Variants in LOX observed in about 807,000 individuals in gnomAD.
LOX encodes the protein protein-lysine 6-oxidase.
In LOX, 12 loss-of-function variants were observed where a neutral mutation model predicts 50.5. The observed-to-expected ratio is 0.24, with a 90% CI of 0.15 to 0.38. The LOEUF (loss-of-function observed/expected upper bound fraction) is 0.38, where lower values mean the gene tolerates loss of function less well. LOX is among the 10% of genes least tolerant of loss of function. The pLI, the probability that LOX is intolerant of heterozygous loss-of-function variation, is 1.00. For missense variants in LOX, 504 were observed against 563.8 expected (o/e 0.89, Z 1.07); for synonymous variants, 254 against 230.6 (o/e 1.10, Z -0.92).
rs765396518 is a variant in LOX at position 122,066,703 on chromosome 5, C to G, written c.*40G>C. On this transcript the variant is annotated 3_prime_UTR_variant, in exon 7 of 7. Transcript: ENST00000231004. ...GTCTATTTTTTCCCACTTCAGAACA[C>G]CAGGCACTGATTTATCCATTGGGAG... 2.5e-6 allele frequency: 4 copies of G among 1,573,756 alleles called. No homozygotes were observed. The Admixed American group carries it at 5.0e-5, about 20-fold the overall frequency.
At chr5:122,075,380 T>A in intron 3 of LOX, 24 bp downstream of exon 3, 1 of 1,574,034 alleles carries the variant, frequency 6.4e-7, no homozygotes, top group Non-Finnish European at 8.6e-7. Flanking sequence ...AACCCAAAAG[T>A]ACCCAGGAGG....
intron 4 of LOX, among the ~76,000 whole-genome samples, chr5:122,073,536 A>G (rs1754516098): frequency 6.6e-6 from 1 of 152,186 alleles, no homozygotes; most frequent in Non-Finnish European, 1.5e-5. Flanking sequence ...ATGGTTTCAC[A>G]GGTGAAAAAA....
intron 2 of LOX, chr5:122,075,967 T>TA (rs1207485656): frequency 1.3e-5 from 2 of 152,448 alleles, no homozygotes; most frequent in African/African-American, 2.4e-5. Flanking sequence ...ACAAAACTTT[T>TA]AAAAAAGTTA....
rs561838644 is a variant in LOX at position 122,065,135 on chromosome 5, T to C, written c.*1608A>G. 2 of 152,190 alleles carry C rather than the reference T, an allele frequency of 1.3e-5. No homozygotes were observed. The highest frequency in any genetic ancestry group is 2.4e-5 in the African/African-American group (1 of 41,546). 9.4% of individuals were successfully genotyped at this position (152,190 alleles called of 1,614,324 possible). ...TGTCTGTATTGTCTACTGGTAAGCT[T>C]GTGCCCTGGTGGCTAAGGATCATAT... On this transcript the variant is annotated 3_prime_UTR_variant, in exon 7 of 7. Transcript: ENST00000231004.
chr5:122,074,007 A>G lies in LOX; in HGVS notation c.1035+6T>C, dbSNP rs753216809. 4.3e-6 allele frequency: 7 copies of G among 1,610,150 alleles called. No homozygotes were observed. The African/African-American group carries it at 5.3e-5, about 12-fold the overall frequency. On this transcript the variant is annotated splice_donor_region_variant and intron_variant, in intron 4 of 6. Transcript: ENST00000231004. ...TGAGGTTCTGGATTTCAGGGTGCCAACATACCTGTGTGTGTGCAGTACATG... is the reference window on the plus strand; with the variant it reads ...TGAGGTTCTGGATTTCAGGGTGCCAGCATACCTGTGTGTGTGCAGTACATG...
intron 4 of LOX, 86 bp downstream of exon 4, chr5:122,073,927 A>G (rs1323021262): frequency 7.9e-7 from 1 of 1,267,452 alleles, no homozygotes; most frequent in Admixed American, 1.9e-5. Flanking sequence ...TGTGCTCTTC[A>G]TGAAATGCTA....
chr5:122,072,522 A>C (rs1452000193), intron 4 of LOX, among the ~76,000 whole-genome samples: 2 of 152,212 alleles, frequency 1.3e-5, no homozygotes, highest in Non-Finnish European at 2.9e-5. Context: ...AATATGTAAA[A>C]GTATAAATCT....
At position 122,077,905 on chromosome 5, in the gene LOX, G is replaced by A; in HGVS notation, c.81C>T (p.Gly27=). ...ALVHCAPPAA[G]QQQPPREPPA... is the part of the protein sequence containing the mutation. ...GCGGCTCGCGCGGGGGCTGCTGTTG[G>A]CCGGCGGCGGGAGGGGCGCAGTGCA... The change falls in exon 1 of 7, where the codon GGC becomes GGT. Residue 27 remains glycine, a synonymous_variant. Coordinates refer to ENST00000231004, the MANE Select transcript of LOX (RefSeq NM_002317.7). The surrounding 1 kb of genome is among the most constrained non-coding windows in gnomAD (Gnocchi z 4.9). 1 of 1,515,984 alleles carries A rather than the reference G, an allele frequency of 6.6e-7. No individual in the cohort carries two copies. Among genetic ancestry groups the A allele is most frequent in the Non-Finnish European group, 8.8e-7 (1 of 1,142,140 alleles). The allele number at this position is 1,515,984 out of a possible 1,614,324, so 93.9% of individuals were successfully genotyped here.
intron 2 of LOX, 113 bp downstream of exon 2, chr5:122,076,780 T>A: frequency 1.2e-6 from 1 of 851,082 alleles, no homozygotes; most frequent in African/African-American, 1.6e-5. Flanking sequence ...TTCCCAGCTC[T>A]TGTCCCACTT....
chr5:122,073,713 C>A (rs776001992), intron 4 of LOX, among the ~76,000 whole-genome samples: 7 of 152,158 alleles, frequency 4.6e-5, no homozygotes, highest in Non-Finnish European at 1.0e-4. Context: ...GGGCCACATG[C>A]ATAACTGGAA....
At position 122,077,294 on chromosome 5, in the gene LOX, A is replaced by G. The variant is rs1022942897; in HGVS notation, c.631+61T>C. On this transcript the variant is annotated intron_variant, in intron 1 of 6. Transcript: ENST00000231004. This position sits in a 1 kb window ranked among gnomAD's most constrained non-coding sequence, Gnocchi z 4.9. ...CCGCCGCGCCCAGGCAGCCACGTCG[A>G]GAAGCCACATAGCTGGGGACCAGGT... 1.9e-6 allele frequency: 3 copies of G among 1,605,084 alleles called. No homozygotes were observed. The highest frequency in any genetic ancestry group is 2.6e-6 in the Non-Finnish European group (3 of 1,175,736).
At chr5:122,073,914 G>A (rs1429623082) in intron 4 of LOX, 99 bp downstream of exon 4, 4 of 1,088,888 alleles carry the variant, frequency 3.7e-6, no homozygotes, top group Non-Finnish European at 4.1e-6. Context: ...TGATAAAAAT[G>A]TGTGTGCTCT....
At chr5:122,071,197 G>A (rs1754441652) in intron 4 of LOX, among the ~76,000 whole-genome samples, 1 of 109,018 alleles carries the variant, frequency 9.2e-6, no homozygotes, top group Non-Finnish European at 2.2e-5. Flanking sequence ...ATTTATATGT[G>A]TGTGTGTGTG....
chr5:122,069,469 C>T (rs572627765), intron 6 of LOX, among the ~76,000 whole-genome samples: 1 of 152,106 alleles, frequency 6.6e-6, no homozygotes, highest in Non-Finnish European at 1.5e-5. Context: ...GAATAGATAT[C>T]TTCCAGTATT....
At chr5:122,069,833 G>A (rs373954987) in intron 6 of LOX, 3 of 531,618 alleles carry the variant, frequency 5.6e-6, no homozygotes, top group South Asian at 3.3e-5. Context: ...GTCTTCTCCT[G>A]AAAACTAAGC....
rs901378696 is a variant in LOX, at chr5:122,069,871, C to A, written c.1247+182G>T. On this transcript the variant is annotated intron_variant, in intron 6 of 6. Transcript: ENST00000231004. ...CTCCTGAAAACTAAAAACCTTAGTA[C>A]ATTCTCCTTTGCCTTCCATTATTTA... 3 of 629,366 alleles carry A rather than the reference C, an allele frequency of 4.8e-6. 1 individual carries two copies. The highest frequency in any genetic ancestry group is 4.5e-5 in the South Asian group (3 of 66,198). The allele number at this position is 629,366 out of a possible 1,614,324, so 39.0% of individuals were successfully genotyped here. A position where few individuals can be genotyped will look rare whatever the true frequency, so the allele number is the denominator to read the frequency against.
In LOX at chr5:122,065,295, G is replaced by A. The variant is rs878858126; in HGVS notation, c.*1448C>T. Reference sequence around the variant, plus strand: ...TCTATGACATGTAATACAGGATGCCGAGGCACTTTTAAAATTCCACCTAAC... The same window carrying A: ...TCTATGACATGTAATACAGGATGCCAAGGCACTTTTAAAATTCCACCTAAC... On this transcript the variant is annotated 3_prime_UTR_variant, in exon 7 of 7. Coordinates refer to ENST00000231004, the MANE Select transcript of LOX (RefSeq NM_002317.7). 2.0e-5 allele frequency: 3 copies of A among 152,048 alleles called. No homozygotes were observed. The highest frequency in any genetic ancestry group is 2.9e-5 in the Non-Finnish European group (2 of 67,984). The allele number at this position is 152,048 out of a possible 1,614,324, so 9.4% of individuals were successfully genotyped here.
At position 122,066,721 on chromosome 5, in the gene LOX, A is replaced by G. The variant is rs1231624628; in HGVS notation, c.*22T>C. On this transcript the variant is annotated 3_prime_UTR_variant, in exon 7 of 7. Coordinates refer to ENST00000231004, the MANE Select transcript of LOX (RefSeq NM_002317.7). ...CAGAACACCAGGCACTGATTTATCCATTGGGAGTTTTGCTTTGCCTTCTAA... is the reference window on the plus strand; with the variant it reads ...CAGAACACCAGGCACTGATTTATCCGTTGGGAGTTTTGCTTTGCCTTCTAA... The G allele has an allele frequency of 6.3e-7, 1 of 1,596,322 alleles. No individual in the cohort carries two copies. The highest frequency in any genetic ancestry group is 8.6e-7 in the Non-Finnish European group (1 of 1,164,464).
intron 3 of LOX, among the ~76,000 whole-genome samples, chr5:122,075,098 A>G (rs1226084345): frequency 6.6e-6 from 1 of 152,228 alleles, no homozygotes; most frequent in Non-Finnish European, 1.5e-5. Flanking sequence ...CTAACTTTAG[A>G]TGATCTTGGC....
Sources: gnomAD v4.1 joint callset for allele counts (sites outside exome capture counted in the v4.1 genomes callset) on GRCh38, gnomAD v4.1.1 for gene constraint, Gnocchi (gnomAD v3.1) non-coding constraint, MANE v1.5 for transcripts, NCBI Gene and HGNC (gene_info 2026-07-23, HGNC 2026-07-21) for gene names.